The following LRRFIP1 variants were observed in gnomAD, a reference collection of about 807,000 sequenced individuals.
The protein encoded by LRRFIP1 is LRR binding FLII interacting protein 1, also known as leucine-rich repeat flightless-interacting protein 1.
In LRRFIP1, 62 loss-of-function variants were observed where a neutral mutation model predicts 104.4. The ratio of observed to expected loss-of-function variants is 0.59; its 90% confidence interval spans 0.48 to 0.73. The LOEUF is 0.73. LRRFIP1 is among the 30% of genes least tolerant of loss of function. LRRFIP1 has a pLI of 0.00. For missense variants in LRRFIP1, 796 were observed against 824.5 expected (o/e 0.97, Z 0.42); for synonymous variants, 300 against 299.0 (o/e 1.00, Z -0.03).
intron 19 of LRRFIP1, chr2:237,762,940 C>G (rs2060020546): frequency 6.2e-7 from 1 of 1,614,112 alleles, no homozygotes; most frequent in Non-Finnish European, 8.5e-7. Context: ...AGCCATCCAA[C>G]TGTTGGAGTG....
At chr2:237,681,680 T>TAA (rs1559532028) in intron 1 of LRRFIP1, among the ~76,000 whole-genome samples, 2 of 57,982 alleles carry the variant, frequency 3.4e-5, no homozygotes, top group East Asian at 7.7e-4. Flanking sequence ...GTCCTATTCT[T>TAA]TTTTTTTTTT....
At chr2:237,729,028 T>C (rs2094891462) in intron 8 of LRRFIP1, among the ~76,000 whole-genome samples, 1 of 152,236 alleles carries the variant, frequency 6.6e-6, no homozygotes, top group Non-Finnish European at 1.5e-5. Flanking sequence ...GTTCGAGCGA[T>C]TCTCCTGCCT....
In LRRFIP1 at chr2:237,698,324, G is replaced by A. The variant is rs564101176; in HGVS notation, c.97-10220G>A. The stretch of plus-strand genomic sequence containing the variant: ...TAATGAGGGCTGGGGTTCAAAAACC[G>A]AGTAACTTATCCAGGCTCACATAAC... On this transcript the variant is annotated intron_variant, in intron 1 of 23. Coordinates refer to ENST00000308482, the MANE Select transcript of LRRFIP1 (RefSeq NM_001137550.2). Among the ~76,000 whole-genome samples the A allele has an allele frequency of 7.9e-5, 12 of 152,324 alleles. No individual in the cohort carries two copies. In the South Asian group the frequency reaches 1.9e-3, roughly 24 times the overall value.
chr2:237,707,111 T>G (rs908866667), intron 1 of LRRFIP1, among the ~76,000 whole-genome samples: 3 of 152,076 alleles, frequency 2.0e-5, no homozygotes, highest in African/African-American at 7.2e-5. Context: ...CCAGGCAACC[T>G]CAAGACGACA....
chr2:237,720,803 G>A lies in LRRFIP1; in HGVS notation c.326G>A (p.Gly109Asp), dbSNP rs1347261385. 1 of 1,613,978 alleles carries A rather than the reference G, an allele frequency of 6.2e-7. No individual in the cohort carries two copies. The highest frequency in any genetic ancestry group is 1.3e-5 in the African/African-American group (1 of 74,934). The change falls in exon 6 of 24, where the codon GGT becomes GAT. Residue 109 changes from glycine (G) to aspartate (D), a missense_variant. By Grantham distance (94) the Gly-to-Asp change is moderately conservative. Transcript: ENST00000308482. ...ASDEDERMSV[G>D]SRGSLRSQPD... ...GATGAAGACGAGCGCATGTCAGTGG[G>A]TAGTCGTGGAAGCCTGAGGGTCAGT...
At chr2:237,779,296 A>G (rs2061353694) in intron 23 of LRRFIP1, 126 bp from the exon 24 acceptor site, 3 of 1,404,314 alleles carry the variant, frequency 2.1e-6, no homozygotes, top group East Asian at 5.5e-5. Flanking sequence ...GAAGGGCATC[A>G]TGAGGGACCA....
chr2:237,756,411 T>G (rs952337736), intron 16 of LRRFIP1, among the ~76,000 whole-genome samples: 1 of 152,244 alleles, frequency 6.6e-6, no homozygotes, highest in African/African-American at 2.4e-5. Context: ...CTTCTTGCTA[T>G]ATCCTTCCTC....
rs577294188 is a variant in LRRFIP1 at position 237,708,203 on chromosome 2, C to G, written c.97-341C>G. 1.4e-3 allele frequency among the ~76,000 whole-genome samples: 217 copies of G among 152,340 alleles called. 1 individual carries two copies. The highest frequency in any genetic ancestry group is 2.0e-3 in the Non-Finnish European group (138 of 68,026). The stretch of plus-strand genomic sequence containing the variant: ...CACCTACAGGCTGTGTGACCTTAGG[C>G]AAGTTACTTACCCTCTCTGTGCCTT... On this transcript the variant is annotated intron_variant, in intron 1 of 23. Coordinates refer to ENST00000308482, the MANE Select transcript of LRRFIP1 (RefSeq NM_001137550.2).
In LRRFIP1 at chr2:237,725,959, C is replaced by T. The variant is rs543511547; in HGVS notation, c.385-1917C>T. Among the ~76,000 whole-genome samples, 12 of 152,298 alleles carry T rather than the reference C, an allele frequency of 7.9e-5. No homozygotes were observed. In the East Asian group the frequency reaches 1.9e-3, roughly 25 times the overall value. ...CCTCATTTGTTAGTAAAGTCAAAGT[C>T]ATCTAAAAGTGATTAACATTAGCCT... On this transcript the variant is annotated intron_variant, in intron 7 of 23. Transcript: ENST00000308482.
chr2:237,647,306 G>C lies in LRRFIP1; in HGVS notation c.96+19566G>C, dbSNP rs145053264. 3.6e-3 allele frequency among the ~76,000 whole-genome samples: 541 copies of C among 152,110 alleles called. 10 individuals carry two copies. Among genetic ancestry groups the C allele is most frequent in the Non-Finnish European group, 5.3e-3 (363 of 67,912 alleles). ...TGTAGTCTCAGTCCCTGCCCAATGG[G>C]ACGTGGCTCTCATGGCTTCTGCTGT... On this transcript the variant is annotated intron_variant, in intron 1 of 23. Coordinates refer to ENST00000308482, the MANE Select transcript of LRRFIP1 (RefSeq NM_001137550.2).
At chr2:237,686,246 C>T (rs2092359745) in intron 1 of LRRFIP1, among the ~76,000 whole-genome samples, 1 of 152,102 alleles carries the variant, frequency 6.6e-6, no homozygotes, top group African/African-American at 2.4e-5. Context: ...ATAATCAAAC[C>T]CATCACCTTC....
Position 237,691,965 on chromosome 2 carries a change from G to A in LRRFIP1, c.97-16579G>A, listed in dbSNP as rs1225193256. On this transcript the variant is annotated intron_variant, in intron 1 of 23. Coordinates refer to ENST00000308482, the MANE Select transcript of LRRFIP1 (RefSeq NM_001137550.2). This position sits in a 1 kb window ranked among gnomAD's most constrained non-coding sequence, Gnocchi z 5.4. ...GGAAGGGCGGGACAGGCCGTGGGGCGGGGCCTGGGTGGGGCGGAGCCGGTG... is the reference window on the plus strand; with the variant it reads ...GGAAGGGCGGGACAGGCCGTGGGGCAGGGCCTGGGTGGGGCGGAGCCGGTG... Among the ~76,000 whole-genome samples, 3 of 147,646 alleles carry A rather than the reference G, an allele frequency of 2.0e-5. No homozygotes were observed. The highest frequency in any genetic ancestry group is 4.5e-5 in the Non-Finnish European group (3 of 66,294).
chr2:237,665,209 G>A (rs2088973806), intron 1 of LRRFIP1, among the ~76,000 whole-genome samples: 1 of 151,866 alleles, frequency 6.6e-6, no homozygotes, highest in South Asian at 2.1e-4. Flanking sequence ...AAAATTCTAA[G>A]GTTAAAGTAA....
At chr2:237,771,110 G>A (rs2060578141) in intron 20 of LRRFIP1, among the ~76,000 whole-genome samples, 1 of 152,022 alleles carries the variant, frequency 6.6e-6, no homozygotes, top group South Asian at 2.1e-4. Flanking sequence ...GGGGTAGGAA[G>A]GCAGGTGATC....
At chr2:237,726,296 T>C (rs1398270595) in intron 7 of LRRFIP1, among the ~76,000 whole-genome samples, 1 of 152,216 alleles carries the variant, frequency 6.6e-6, no homozygotes, top group Admixed American at 6.5e-5. Context: ...AAGATAAATA[T>C]ATAGTTTGAT....
At chr2:237,639,913 C>A (rs2083664970) in intron 1 of LRRFIP1, among the ~76,000 whole-genome samples, 2 of 152,182 alleles carry the variant, frequency 1.3e-5, no homozygotes, top group Non-Finnish European at 2.9e-5. Flanking sequence ...GCTGTGACCA[C>A]CAAACATGCT....
At position 237,703,555 on chromosome 2, in the gene LRRFIP1, G is replaced by A. The variant is rs967070039; in HGVS notation, c.97-4989G>A. On this transcript the variant is annotated intron_variant, in intron 1 of 23. Coordinates refer to ENST00000308482, the MANE Select transcript of LRRFIP1 (RefSeq NM_001137550.2). The surrounding 1 kb of genome is among the most constrained non-coding windows in gnomAD (Gnocchi z 4.3). ...CACTCCTTGTCACCAGCTCCTGGTC[G>A]CAGCCACCCCGGCTCTGCTTGTCCT... Among the ~76,000 whole-genome samples, 2 of 152,016 alleles carry A rather than the reference G, an allele frequency of 1.3e-5. No homozygotes were observed. Among genetic ancestry groups the A allele is most frequent in the African/African-American group, 2.4e-5 (1 of 41,370 alleles).
intron 1 of LRRFIP1, chr2:237,692,277 G>A: frequency 8.5e-7 from 1 of 1,172,818 alleles, no homozygotes; most frequent in African/African-American, 1.6e-5. Context: ...CCCGAGCCCA[G>A]CGCCGCGAGC....
At position 237,692,165 on chromosome 2, in the gene LRRFIP1, C is replaced by T. The variant is rs866154988; in HGVS notation, c.97-16379C>T. The T allele has an allele frequency of 8.4e-5, 84 of 1,003,888 alleles. 2 individuals carry two copies. In the Middle Eastern group the frequency reaches 2.9e-3, roughly 34 times the overall value. The allele number at this position is 1,003,888 out of a possible 1,614,324, so 62.2% of individuals were successfully genotyped here. A position where few individuals can be genotyped will look rare whatever the true frequency, so the allele number is the denominator to read the frequency against. On this transcript the variant is annotated intron_variant, in intron 1 of 23. Transcript: ENST00000308482. ...GAACTGCGTGGGGGGCGGGGCGGGCCGTGGGACGGGCGGAGGCGCCCGAGT... is the reference window on the plus strand; with the variant it reads ...GAACTGCGTGGGGGGCGGGGCGGGCTGTGGGACGGGCGGAGGCGCCCGAGT...
Sources: allele counts gnomAD v4.1 joint callset (sites outside exome capture counted in the v4.1 genomes callset), GRCh38; gene constraint gnomAD v4.1.1; non-coding constraint Gnocchi (gnomAD v3.1); transcripts MANE v1.5; gene names NCBI Gene and HGNC (gene_info 2026-07-23, HGNC 2026-07-21).